Variants in COIL observed in about 807,000 individuals in gnomAD.
COIL encodes coilin p80.
In COIL, 28 loss-of-function variants were observed where a neutral mutation model predicts 51.6. That is an observed-to-expected ratio of 0.54 (90% CI 0.40 to 0.74). COIL has a LOEUF of 0.74. Among genes scored for constraint, COIL ranks in the 30% least tolerant of loss-of-function variants. The probability of loss-of-function intolerance (pLI) is 0.00; values close to 1 mark genes in which losing one functional copy is unlikely to be tolerated. For synonymous variants in COIL, 233 were observed against 255.8 expected (o/e 0.91, Z 0.85); for missense variants, 667 against 685.9 (o/e 0.97, Z 0.31).
intron 6 of COIL, among the ~76,000 whole-genome samples, chr17:56,939,420 C>A (rs2144388165): frequency 6.6e-6 from 1 of 151,424 alleles, no homozygotes; most frequent in Middle Eastern, 3.4e-3. Flanking sequence ...CTAGTGAGAC[C>A]CCATCTCTAT....
chr17:56,959,641 G>C (rs1335037126), intron 1 of COIL, among the ~76,000 whole-genome samples: 1 of 152,200 alleles, frequency 6.6e-6, no homozygotes, highest in Non-Finnish European at 1.5e-5. Flanking sequence ...GGGGACACTG[G>C]GCACATGAGA....
At chr17:56,949,150 A>G (rs1910306797) in intron 4 of COIL, among the ~76,000 whole-genome samples, 1 of 152,128 alleles carries the variant, frequency 6.6e-6, no homozygotes, top group Non-Finnish European at 1.5e-5. Context: ...TAAAAAAGTA[A>G]AAATTAAGCT....
chr17:56,953,207 C>T (rs375906342), intron 1 of COIL, among the ~76,000 whole-genome samples: 35 of 151,816 alleles, frequency 2.3e-4, no homozygotes, highest in East Asian at 3.9e-4. Context: ...GTCAGGAGAT[C>T]GAGACCATCC....
At chr17:56,945,866 C>G (rs997675870) in intron 5 of COIL, among the ~76,000 whole-genome samples, 2 of 152,190 alleles carry the variant, frequency 1.3e-5, no homozygotes, top group African/African-American at 4.8e-5. Flanking sequence ...CAGGCGTGTG[C>G]CATGACGCCC....
chr17:56,960,793 C>A lies in COIL; in HGVS notation c.227G>T (p.Arg76Ile). 6.3e-7 allele frequency: 1 copy of A among 1,586,646 alleles called. No individual in the cohort carries two copies. Among genetic ancestry groups the A allele is most frequent in the South Asian group, 1.1e-5 (1 of 88,002 alleles). Residue 76 changes from arginine (R) to isoleucine (I), a missense_variant, in exon 1 of 7, where the codon AGA becomes ATA. Physicochemically the swap from Arg to Ile is moderately conservative, Grantham distance 97. Transcript: ENST00000240316. ...CGCGCACCTGAGGCAGTCGTTGTCT[C>A]TCACAAGGCGCGCGCTCTCGGCGGG... Reference protein sequence around the residue: ...LPPAESARLVRDNDCLRVKLE... With the variant: ...LPPAESARLVIDNDCLRVKLE...
intron 3 of COIL, 32 bp downstream of exon 3, chr17:56,949,649 T>C: frequency 6.3e-7 from 1 of 1,583,660 alleles, no homozygotes; most frequent in Non-Finnish European, 8.7e-7. Flanking sequence ...GGAATGAACC[T>C]TTTTTGCTGT....
At chr17:56,945,479 C>T (rs1247916948) in intron 5 of COIL, among the ~76,000 whole-genome samples, 4 of 152,196 alleles carry the variant, frequency 2.6e-5, no homozygotes, top group African/African-American at 9.7e-5. Context: ...CATTCAGTTC[C>T]AGTACCAGGT....
At chr17:56,951,417 C>T (rs778848841) in intron 1 of COIL, 76 of 158,364 alleles carry the variant, frequency 4.8e-4, no homozygotes, top group Non-Finnish European at 8.4e-4. Flanking sequence ...ATGCATGTCA[C>T]CTACCCTAAA....
intron 1 of COIL, among the ~76,000 whole-genome samples, chr17:56,951,955 T>A (rs1024086074): frequency 6.6e-6 from 1 of 151,962 alleles, no homozygotes; most frequent in Non-Finnish European, 1.5e-5. Context: ...CGCCTGCCAC[T>A]ATGCCTCGCT....
chr17:56,953,601 GT>G (rs1567854103), intron 1 of COIL, among the ~76,000 whole-genome samples: 1 of 151,978 alleles, frequency 6.6e-6, no homozygotes, highest in African/African-American at 2.4e-5. Context: ...ATTTCATCAA[GT>G]TTTTTCAGTG....
At chr17:56,940,394 A>T (rs2144389266) in intron 6 of COIL, among the ~76,000 whole-genome samples, 1 of 152,298 alleles carries the variant, frequency 6.6e-6, no homozygotes, top group South Asian at 2.1e-4. Context: ...TACAGGCATG[A>T]GCCACGGTGC....
At chr17:56,960,747 C>T in intron 1 of COIL, 28 bp downstream of exon 1, 1 of 1,500,806 alleles carries the variant, frequency 6.7e-7, no homozygotes, top group Non-Finnish European at 8.9e-7. Flanking sequence ...GCCGCCCACC[C>T]GGCCGTCCCG....
intron 4 of COIL, among the ~76,000 whole-genome samples, chr17:56,948,132 A>ATTTTTTT (rs11450212): frequency 8.1e-6 from 1 of 123,834 alleles, no homozygotes; most frequent in African/African-American, 3.0e-5. Flanking sequence ...TTGAGGAAAG[A>ATTTTTTT]TTTTTTTTTT....
At chr17:56,948,600 T>C (rs1910295536) in intron 4 of COIL, among the ~76,000 whole-genome samples, 1 of 151,654 alleles carries the variant, frequency 6.6e-6, no homozygotes. Flanking sequence ...AAAGAAAGAA[T>C]GCACTTTAAC....
chr17:56,946,606 G>T, intron 4 of COIL, 95 bp from the exon 5 acceptor site: 1 of 755,564 alleles, frequency 1.3e-6, no homozygotes, highest in Non-Finnish European at 2.2e-6. Flanking sequence ...TGGTTAAAAT[G>T]TTGAATTTTA....
chr17:56,955,980 G>A, intron 1 of COIL, among the ~76,000 whole-genome samples: 1 of 152,132 alleles, frequency 6.6e-6, no homozygotes, highest in Non-Finnish European at 1.5e-5. Flanking sequence ...TTTATATACT[G>A]AGATAGCCCA....
chr17:56,951,157 C>T (rs186053585), intron 1 of COIL, among the ~76,000 whole-genome samples, 161 bp from the exon 2 acceptor site: 1 of 152,266 alleles, frequency 6.6e-6, no homozygotes, highest in African/African-American at 2.4e-5. Flanking sequence ...GCAAAATGGC[C>T]TATGTAGCAT....
At chr17:56,958,329 G>A (rs1019068695) in intron 1 of COIL, among the ~76,000 whole-genome samples, 1 of 152,230 alleles carries the variant, frequency 6.6e-6, no homozygotes, top group African/African-American at 2.4e-5. Flanking sequence ...GGTACTTTGA[G>A]AATAGAGACT....
At chr17:56,944,199 C>T (rs1355643340) in intron 5 of COIL, among the ~76,000 whole-genome samples, 1 of 152,142 alleles carries the variant, frequency 6.6e-6, no homozygotes, top group Non-Finnish European at 1.5e-5. Flanking sequence ...CTGACAAGCA[C>T]TGATCAGGCT....
Sources: allele counts gnomAD v4.1 joint callset (sites outside exome capture counted in the v4.1 genomes callset), GRCh38; gene constraint gnomAD v4.1.1; transcripts MANE v1.5; gene names NCBI Gene and HGNC (gene_info 2026-07-23, HGNC 2026-07-21).